The following ENOX1 variants were observed in gnomAD, a reference collection of about 807,000 sequenced individuals.
The protein encoded by ENOX1 is ecto-NOX disulfide-thiol exchanger 1, also known as candidate growth-related and time keeping constitutive hydroquinone (NADH) oxidase.
In ENOX1, 42 loss-of-function variants were observed where a neutral mutation model predicts 82.5. The ratio of observed to expected loss-of-function variants is 0.51; its 90% confidence interval spans 0.40 to 0.66. ENOX1 has a LOEUF of 0.66. Ranked by LOEUF, ENOX1 falls within the 30% of genes least tolerant of loss-of-function variation. The pLI is 0.00. For missense variants in ENOX1, 608 were observed against 811.6 expected (o/e 0.75, Z 3.05); for synonymous variants, 271 against 282.2 (o/e 0.96, Z 0.40).
chr13:43,330,842 C>T (rs2048372052), intron 9 of ENOX1, among the ~76,000 whole-genome samples: 2 of 152,104 alleles, frequency 1.3e-5, no homozygotes, highest in Non-Finnish European at 2.9e-5. Flanking sequence ...ATACACGCAC[C>T]TAGCATACAC....
intron 1 of ENOX1, among the ~76,000 whole-genome samples, chr13:43,679,789 A>T (rs2085695248): frequency 6.6e-6 from 1 of 152,234 alleles, no homozygotes; most frequent in South Asian, 2.1e-4. Flanking sequence ...TAAACAATGC[A>T]TCCTTTGCCT....
rs1566307176 is a variant in ENOX1, at chr13:43,470,353, T to TGTATATATAC, written c.-75+13655_-75+13656insGTATATATAC. 1.0e-3 allele frequency among the ~76,000 whole-genome samples: 51 copies of TGTATATATAC among 50,182 alleles called. 13 individuals are homozygous for TGTATATATAC. The highest frequency in any genetic ancestry group is 1.6e-3 in the Non-Finnish European group (47 of 29,152). 32.9% of individuals were successfully genotyped at this position (50,182 alleles called of 152,430 possible). Reference sequence around the variant, plus strand: ...ATGTATATATATACGTATATATATATGTATATATATACGTATATATATACA... The same window carrying TGTATATATAC: ...ATGTATATATATACGTATATATATATGTATATATACGTATATATATACGTATATATATACA... On this transcript the variant is annotated intron_variant, in intron 3 of 16. Coordinates refer to ENST00000690772, the MANE Select transcript of ENOX1 (RefSeq NM_001347969.2).
chr13:43,733,799 C>A (rs1420407891), intron 1 of ENOX1, among the ~76,000 whole-genome samples: 1 of 152,094 alleles, frequency 6.6e-6, no homozygotes, highest in Admixed American at 6.6e-5. Flanking sequence ...TAGGGTCTTT[C>A]AAGATCTAAT....
intron 2 of ENOX1, among the ~76,000 whole-genome samples, chr13:43,568,694 T>TG (rs2080031227): frequency 6.6e-6 from 1 of 151,430 alleles, no homozygotes; most frequent in African/African-American, 2.4e-5. Context: ...CAGAGTTTTT[T>TG]TTTTTTTCTG....
intron 2 of ENOX1, among the ~76,000 whole-genome samples, chr13:43,568,125 A>G (rs2079998702): frequency 6.6e-6 from 1 of 152,206 alleles, no homozygotes; most frequent in Non-Finnish European, 1.5e-5. Flanking sequence ...ACTTTTTTCA[A>G]TTCTTTGACA....
intron 2 of ENOX1, among the ~76,000 whole-genome samples, chr13:43,584,392 A>G (rs2080882812): frequency 6.6e-6 from 1 of 152,232 alleles, no homozygotes; most frequent in African/African-American, 2.4e-5. Context: ...TGTATAAGCT[A>G]GTGAGAGTCA....
At chr13:43,387,158 C>G (rs983807097) in intron 5 of ENOX1, among the ~76,000 whole-genome samples, 10 of 152,142 alleles carry the variant, frequency 6.6e-5, no homozygotes, top group Non-Finnish European at 1.3e-4. Flanking sequence ...AGCTTACCTC[C>G]CAGTGAGGAT....
intron 2 of ENOX1, among the ~76,000 whole-genome samples, chr13:43,601,889 A>G (rs2153732050): frequency 6.6e-6 from 1 of 152,276 alleles, no homozygotes; most frequent in Admixed American, 6.5e-5. Context: ...GAAGAGTGTG[A>G]AATGACATAT....
chr13:43,758,861 A>G (rs866266599), intron 1 of ENOX1, among the ~76,000 whole-genome samples: 40 of 152,326 alleles, frequency 2.6e-4, no homozygotes, highest in Middle Eastern at 3.4e-3. Flanking sequence ...TGATATTTGT[A>G]GTAATAGTAA....
At chr13:43,625,966 G>A (rs1010144278) in intron 2 of ENOX1, among the ~76,000 whole-genome samples, 17 of 151,642 alleles carry the variant, frequency 1.1e-4, no homozygotes, top group African/African-American at 4.1e-4. Flanking sequence ...AAACAAATAG[G>A]GCCTGGATAT....
intron 1 of ENOX1, among the ~76,000 whole-genome samples, chr13:43,695,329 T>C (rs933570166): frequency 3.3e-5 from 5 of 152,102 alleles, no homozygotes; most frequent in African/African-American, 9.7e-5. Flanking sequence ...CTCTGAGCCT[T>C]GATCTCCTCA....
At chr13:43,223,540 G>A (rs915792932) in intron 16 of ENOX1, among the ~76,000 whole-genome samples, 10 of 152,124 alleles carry the variant, frequency 6.6e-5, no homozygotes, top group African/African-American at 2.4e-4. Flanking sequence ...GAGCCTGGAG[G>A]GGCACAGCTG....
At chr13:43,301,541 C>A (rs1367499417) in intron 11 of ENOX1, among the ~76,000 whole-genome samples, 1 of 141,446 alleles carries the variant, frequency 7.1e-6, no homozygotes. Flanking sequence ...AATGTGATAT[C>A]ATCATATTAA....
At chr13:43,545,058 C>T (rs775975678) in intron 2 of ENOX1, 4 of 151,840 alleles carry the variant, frequency 2.6e-5, no homozygotes, top group Non-Finnish European at 5.9e-5. Flanking sequence ...GTTTTATCCT[C>T]GAAATTCTTA....
intron 11 of ENOX1, among the ~76,000 whole-genome samples, chr13:43,314,775 A>G (rs112572752): frequency 2.9e-3 from 438 of 152,332 alleles, no homozygotes; most frequent in Middle Eastern, 6.8e-3. Context: ...GCCTACATAT[A>G]TATAGCTTCT....
intron 14 of ENOX1, among the ~76,000 whole-genome samples, chr13:43,254,909 G>A (rs2043659319): frequency 6.6e-6 from 1 of 151,982 alleles, no homozygotes; most frequent in African/African-American, 2.4e-5. Context: ...CTCTTACAAA[G>A]AAAAGTTCAG....
chr13:43,346,415 C>A (rs2049381273), intron 8 of ENOX1, among the ~76,000 whole-genome samples: 1 of 152,184 alleles, frequency 6.6e-6, no homozygotes, highest in African/African-American at 2.4e-5. Context: ...GCAAACCTGC[C>A]CCCCTGCCCT....
intron 9 of ENOX1, among the ~76,000 whole-genome samples, chr13:43,331,006 A>G (rs939829151): frequency 1.7e-4 from 26 of 152,206 alleles, no homozygotes; most frequent in South Asian, 4.1e-4. Context: ...TTTACAGACT[A>G]TCATGAGAAG....
At chr13:43,226,060 G>C (rs781745193) in intron 15 of ENOX1, among the ~76,000 whole-genome samples, 8 of 152,082 alleles carry the variant, frequency 5.3e-5, no homozygotes, top group Non-Finnish European at 7.4e-5. Context: ...GCATTGTGTT[G>C]TCCCCTCCCC....
Sources: allele counts gnomAD v4.1 joint callset (sites outside exome capture counted in the v4.1 genomes callset), GRCh38; gene constraint gnomAD v4.1.1; transcripts MANE v1.5; gene names NCBI Gene and HGNC (gene_info 2026-07-23, HGNC 2026-07-21).